The following ARID5B variants were observed in gnomAD, a reference collection of about 807,000 sequenced individuals.
ARID5B encodes the protein AT-rich interaction domain 5B.
A neutral mutation model predicts 97.2 loss-of-function variants in ARID5B; 13 were observed. The ratio of observed to expected loss-of-function variants is 0.13; its 90% CI spans 0.09 to 0.21. The LOEUF (loss-of-function observed/expected upper bound fraction) is 0.21. Among genes scored for constraint, ARID5B ranks in the 10% least tolerant of loss-of-function variants. The pLI is 1.00. For synonymous variants in ARID5B, 556 were observed against 570.3 expected (o/e 0.97, Z 0.36); for missense variants, 1,210 against 1,465.3 (o/e 0.83, Z 2.84).
At chr10:62,086,692 A>G (rs538586671) in intron 9 of ARID5B, among the ~76,000 whole-genome samples, 1,175 of 97,350 alleles carry the variant, frequency 0.012, 18 homozygotes, top group African/African-American at 0.06. Flanking sequence ...CTCCATCTCA[A>G]AAAAAAAAAA....
intron 4 of ARID5B, among the ~76,000 whole-genome samples, chr10:62,021,135 T>C (rs897494876): frequency 5.3e-5 from 8 of 150,086 alleles, no homozygotes; most frequent in Non-Finnish European, 8.9e-5. Context: ...ACAATCATCC[T>C]GAAGACTGCA....
At chr10:61,921,729 A>G (rs1342304618) in intron 2 of ARID5B, among the ~76,000 whole-genome samples, 2 of 152,240 alleles carry the variant, frequency 1.3e-5, no homozygotes, top group African/African-American at 2.4e-5. Context: ...GCCACCTATT[A>G]CAGCTGGCAA....
At chr10:61,937,354 G>A (rs1193657450) in intron 2 of ARID5B, among the ~76,000 whole-genome samples, 1 of 152,120 alleles carries the variant, frequency 6.6e-6, no homozygotes, top group African/African-American at 2.4e-5. Flanking sequence ...ATGCACATGG[G>A]CTGACTGGTT....
At chr10:61,907,540 C>A (rs1843727530) in intron 2 of ARID5B, among the ~76,000 whole-genome samples, 1 of 152,158 alleles carries the variant, frequency 6.6e-6, no homozygotes, top group African/African-American at 2.4e-5. Context: ...TAGTATAGTA[C>A]CTACACATGA....
At chr10:61,960,502 T>C (rs1564613709) in intron 3 of ARID5B, among the ~76,000 whole-genome samples, 2 of 152,226 alleles carry the variant, frequency 1.3e-5, no homozygotes, top group African/African-American at 4.8e-5. Context: ...TGCTCACTTA[T>C]AAAATATTCT....
At chr10:61,946,666 T>C (rs1483800840) in intron 3 of ARID5B, among the ~76,000 whole-genome samples, 1 of 152,220 alleles carries the variant, frequency 6.6e-6, no homozygotes, top group Non-Finnish European at 1.5e-5. Context: ...CTCACACCTG[T>C]AATCCCAAAA....
At chr10:61,914,050 C>T (rs1449492669) in intron 2 of ARID5B, among the ~76,000 whole-genome samples, 2 of 152,168 alleles carry the variant, frequency 1.3e-5, no homozygotes, top group South Asian at 2.1e-4. Flanking sequence ...CGCGCCCAGC[C>T]CTGGAATGAC....
chr10:62,045,766 T>C (rs1589272680), intron 4 of ARID5B, among the ~76,000 whole-genome samples: 2 of 152,180 alleles, frequency 1.3e-5, no homozygotes, highest in East Asian at 3.8e-4. Flanking sequence ...GCCAGAGAAT[T>C]GATATCCTCA....
intron 3 of ARID5B, among the ~76,000 whole-genome samples, chr10:61,999,260 C>G (rs182203398): frequency 1.3e-3 from 202 of 152,286 alleles, no homozygotes; most frequent in Non-Finnish European, 1.8e-3. Context: ...TTTTCAGAGG[C>G]TCCAAGCACT....
intron 2 of ARID5B, among the ~76,000 whole-genome samples, chr10:61,915,416 A>T (rs1843883647): frequency 6.6e-6 from 1 of 152,202 alleles, no homozygotes; most frequent in South Asian, 2.1e-4. Flanking sequence ...GAAAGGTCTC[A>T]GGAGGCATTT....
chr10:61,901,973 G>GTTT (rs371641779), intron 1 of ARID5B, among the ~76,000 whole-genome samples, 186 bp from the exon 2 acceptor site: 19 of 131,590 alleles, frequency 1.4e-4, no homozygotes, highest in African/African-American at 2.6e-4. Context: ...GGGGCCCTGA[G>GTTT]TTTTTTTTTT....
chr10:61,991,624 C>T (rs145512417), intron 3 of ARID5B, among the ~76,000 whole-genome samples: 1 of 152,274 alleles, frequency 6.6e-6, no homozygotes, highest in African/African-American at 2.4e-5. Context: ...CCAAGACTGT[C>T]TTTTCACTTT....
chr10:61,985,722 G>A (rs1347889987), intron 3 of ARID5B, among the ~76,000 whole-genome samples: 1 of 152,098 alleles, frequency 6.6e-6, no homozygotes, highest in Non-Finnish European at 1.5e-5. Context: ...GCAATTGTGT[G>A]AGCTACGTGT....
intron 3 of ARID5B, among the ~76,000 whole-genome samples, chr10:61,950,401 G>T (rs1391856219): frequency 6.6e-6 from 1 of 152,198 alleles, no homozygotes; most frequent in East Asian, 1.9e-4. Flanking sequence ...GGGCACAGTG[G>T]CTCACGCCTA....
chr10:61,943,756 A>G (rs184025787), intron 3 of ARID5B, among the ~76,000 whole-genome samples: 87 of 152,144 alleles, frequency 5.7e-4, no homozygotes, highest in Admixed American at 1.8e-3. Context: ...AAAAAAAACA[A>G]GAATGTTCTC....
At chr10:61,957,922 A>C (rs912341178) in intron 3 of ARID5B, among the ~76,000 whole-genome samples, 1 of 152,204 alleles carries the variant, frequency 6.6e-6, no homozygotes, top group Non-Finnish European at 1.5e-5. Context: ...CCAGGGCACT[A>C]TATTTGCTGT....
chr10:62,027,272 C>CTCACAGTA (rs1197139138), intron 4 of ARID5B, among the ~76,000 whole-genome samples: 1 of 134,054 alleles, frequency 7.5e-6, no homozygotes, highest in Non-Finnish European at 1.5e-5. Context: ...ATGCATTAGC[C>CTCACAGTA]TCACAGTATC....
chr10:62,024,341 C>T (rs1042863565), intron 4 of ARID5B, among the ~76,000 whole-genome samples: 1 of 152,182 alleles, frequency 6.6e-6, no homozygotes, highest in Non-Finnish European at 1.5e-5. Flanking sequence ...AATACAACAC[C>T]TGTTGTCTTT....
rs919155955 is a variant in ARID5B at position 62,096,913 on chromosome 10, A to T, written c.*3883A>T. ...TATTTTGTACTTTTTGATCCACTGT[A>T]ATATTTAATAAAAAATGTTACTATC... On this transcript the variant is annotated 3_prime_UTR_variant, in exon 10 of 10. Transcript: ENST00000279873. 1.3e-5 allele frequency: 3 copies of T among 232,808 alleles called. No individual in the cohort carries two copies. Among genetic ancestry groups the T allele is most frequent in the Non-Finnish European group, 2.6e-5 (3 of 117,624 alleles). 14.4% of individuals were successfully genotyped at this position (232,808 alleles called of 1,614,324 possible).
Sources: allele counts gnomAD v4.1 joint callset (sites outside exome capture counted in the v4.1 genomes callset), GRCh38; gene constraint gnomAD v4.1.1; transcripts MANE v1.5; gene names NCBI Gene and HGNC (gene_info 2026-07-23, HGNC 2026-07-21).